Variants in MXRA8 observed in about 807,000 individuals in gnomAD.
The protein encoded by MXRA8 is matrix remodeling-associated protein 8.
A neutral mutation model predicts 51.4 loss-of-function variants in MXRA8; 44 were observed. That is an observed-to-expected ratio of 0.86 (90% CI 0.67 to 1.10). The LOEUF is 1.10. MXRA8 is among the 50% of genes least tolerant of loss of function. MXRA8 has a pLI of 0.00. For synonymous variants in MXRA8, 369 were observed against 293.5 expected (o/e 1.26, Z -2.63); for missense variants, 765 against 638.9 (o/e 1.20, Z -2.13).
rs373508903 is a variant in MXRA8 at position 1,354,916 on chromosome 1, G to A, written c.715C>T (p.Leu239=). 7 of 1,609,022 alleles carry A rather than the reference G, an allele frequency of 4.4e-6. No homozygotes were observed. Among genetic ancestry groups the A allele is most frequent in the African/African-American group, 4.0e-5 (3 of 74,858 alleles). The change falls in exon 5 of 10, where the codon CTG becomes TTG. Residue 239 remains leucine (L), a synonymous_variant. Coordinates refer to ENST00000309212, the MANE Select transcript of MXRA8 (RefSeq NM_032348.4). ...GCGCCCACAGCCACGCGGTCGCGCA[G>A]AAAAAGGGGCCCGTAGGCGCGGCGC... ...GERRAYGPLF[L]RDRVAVGADA...
chr1:1,353,814 T>C (rs1245732971), intron 9 of MXRA8, 34 bp downstream of exon 9: 1 of 1,545,810 alleles, frequency 6.5e-7, no homozygotes, highest in Non-Finnish European at 8.7e-7. Context: ...CAGGCAGGGC[T>C]CTGAGATGGG....
rs781461842 is a variant in MXRA8 at position 1,354,958 on chromosome 1, G to A, written c.673C>T (p.Leu225Phe). The A allele has an allele frequency of 1.3e-4, 210 of 1,599,728 alleles. No homozygotes were observed. Among genetic ancestry groups the A allele is most frequent in the Non-Finnish European group, 1.7e-4 (205 of 1,174,384 alleles). Residue 225 changes from leucine to phenylalanine, a missense_variant, in exon 5 of 10, where the codon CTC becomes TTC. Transcript: ENST00000309212. ...PHDRADRLLD[L>F]YASGERRAYG... is the part of the protein sequence containing the mutation. The stretch of plus-strand genomic sequence containing the variant: ...GCGCGGCGCTCGCCCGACGCGTAGA[G>A]GTCCAGCAGGCGGTCCGCGCGGTCG...
upstream of MXRA8, among the ~76,000 whole-genome samples, chr1:1,359,933 C>T (rs1644199419): frequency 6.6e-6 from 1 of 151,986 alleles, no homozygotes; most frequent in African/African-American, 2.4e-5. Context: ...GTGCTGGCAG[C>T]TGCCCGCCCG....
chr1:1,358,465 G>A lies in MXRA8; in HGVS notation c.40C>T (p.Leu14Phe). The change falls in exon 1 of 10, where the codon CTT (leucine) becomes TTT (phenylalanine). Residue 14 changes from leucine (L) to phenylalanine (F), a missense_variant. Transcript: ENST00000309212. ...PSRILLWKLVLLQSSAVLLHS... is the reference protein window; with the variant it reads ...PSRILLWKLVFLQSSAVLLHS... ...AGGGCCCCACACTCACTCTGCAGAA[G>A]CACAAGTTTCCAAAGCAGGATTCGG... 2 of 1,612,810 alleles carry A rather than the reference G, an allele frequency of 1.2e-6. No homozygotes were observed. Among genetic ancestry groups the A allele is most frequent in the Non-Finnish European group, 1.7e-6 (2 of 1,179,428 alleles).
At chr1:1,362,418 C>T (rs1463484065), upstream of MXRA8, among the ~76,000 whole-genome samples, 1 of 152,054 alleles carries the variant, frequency 6.6e-6, no homozygotes, top group African/African-American at 2.4e-5. Flanking sequence ...CTGCCTGGTA[C>T]ACACACATCG....
intron 1 of MXRA8, among the ~76,000 whole-genome samples, chr1:1,357,400 CCT>C (rs780370700): frequency 1.1e-4 from 16 of 152,298 alleles, no homozygotes; most frequent in East Asian, 1.9e-4. Context: ...GTGACCACCC[CCT>C]GTGTCCCCAC....
chr1:1,358,143 C>T (rs1157680335), intron 1 of MXRA8, among the ~76,000 whole-genome samples: 1 of 152,208 alleles, frequency 6.6e-6, no homozygotes, highest in Admixed American at 6.5e-5. Context: ...ATCACTGACC[C>T]ACTCCCTAAA....
upstream of MXRA8, among the ~76,000 whole-genome samples, chr1:1,362,339 T>C (rs1474892210): frequency 5.3e-5 from 8 of 152,180 alleles, no homozygotes; most frequent in Non-Finnish European, 7.3e-5. Flanking sequence ...CAGAAACATT[T>C]CACAAATCAT....
rs780019019 is a variant in MXRA8, at chr1:1,353,361, TTTGG to T, written c.*239_*242del. ...AGGGCATGATGGGCATCAGTGGGAT[TTTGG>T]TTGTGCCAGGGGTGGGCAGGGCCAC... On this transcript the variant is annotated 3_prime_UTR_variant, in exon 10 of 10. Transcript: ENST00000309212. 290 of 1,547,498 alleles carry T rather than the reference TTTGG, an allele frequency of 1.9e-4. No homozygotes were observed. The highest frequency in any genetic ancestry group is 2.4e-4 in the Non-Finnish European group (270 of 1,145,400).
upstream of MXRA8, chr1:1,361,197 GAC>G (rs747194002): frequency 1.8e-5 from 13 of 702,958 alleles, no homozygotes; most frequent in Middle Eastern, 4.6e-4. Context: ...CAGAAACAGA[GAC>G]ACACACAGAC....
chr1:1,353,103 G>T lies in MXRA8; in HGVS notation c.*501C>A. ...GTGGGGGAGCTCTCGGTGGCAGGCA[G>T]CACCCCAGGAGGAGTGGGACTCCTG... is the stretch of plus-strand genomic sequence containing the variant. On this transcript the variant is annotated 3_prime_UTR_variant, in exon 10 of 10. Transcript: ENST00000309212. 1 of 659,522 alleles carries T rather than the reference G, an allele frequency of 1.5e-6. No individual in the cohort carries two copies. Among genetic ancestry groups the T allele is most frequent in the South Asian group, 1.7e-5 (1 of 58,604 alleles). The allele number at this position is 659,522 out of a possible 1,614,324, so 40.9% of individuals were successfully genotyped here.
chr1:1,355,070 C>T lies in MXRA8; in HGVS notation c.561G>A (p.Val187=), dbSNP rs781555385. The change falls in exon 5 of 10, where the codon GTG becomes GTA. Residue 187 remains valine, a synonymous_variant. Coordinates refer to ENST00000309212, the MANE Select transcript of MXRA8 (RefSeq NM_032348.4). ...GGTCGGTCCACACGTGCCCGCGGTT[C>T]ACGCAGGTCAGAAGCGCGGGTGCGC... ...ARGAPALLTC[V]NRGHVWTDRH... The T allele has an allele frequency of 6.2e-6, 10 of 1,600,478 alleles. No homozygotes were observed. The highest frequency in any genetic ancestry group is 6.8e-6 in the Non-Finnish European group (8 of 1,176,040).
At chr1:1,356,538 G>C (rs557654605) in intron 2 of MXRA8, 143 bp downstream of exon 2, 5 of 470,912 alleles carry the variant, frequency 1.1e-5, no homozygotes, top group African/African-American at 8.2e-5. Context: ...TTATTGGCAA[G>C]GGGAGGTGCC....
At chr1:1,355,805 G>C (rs1569793681) in intron 2 of MXRA8, 53 bp from the exon 3 acceptor site, 1 of 715,462 alleles carries the variant, frequency 1.4e-6, no homozygotes, top group African/African-American at 2.3e-5. Flanking sequence ...TAGGGCCCTG[G>C]TTGGGGGAGT....
rs548757067 is a variant in MXRA8 at position 1,353,556 on chromosome 1, A to AGACAG, written c.*43_*47dup. 2.6e-4 allele frequency: 408 copies of AGACAG among 1,549,862 alleles called. 6 individuals carry two copies. In the South Asian group the frequency reaches 4.7e-3, roughly 18 times the overall value. ...CATCAGGAGATGCCCCGAGGAGCAC[A>AGACAG]GACAGGAGAGGTGCAGCTGCTGGCC... On this transcript the variant is annotated 3_prime_UTR_variant, in exon 10 of 10. Coordinates refer to ENST00000309212, the MANE Select transcript of MXRA8 (RefSeq NM_032348.4).
Position 1,353,206 on chromosome 1 carries a change from C to CGAGCA in MXRA8, c.*393_*397dup. The CGAGCA allele has an allele frequency of 7.9e-7, 1 of 1,262,892 alleles. No homozygotes were observed. The highest frequency in any genetic ancestry group is 1.1e-6 in the Non-Finnish European group (1 of 889,754). The allele number at this position is 1,262,892 out of a possible 1,614,324, so 78.2% of individuals were successfully genotyped here. A position where few individuals can be genotyped will look rare whatever the true frequency, so the allele number is the denominator to read the frequency against. ...TCCAGGAACATCTCCCAGCCCCCGA[C>CGAGCA]GAGCAGAGCCCTGGAGGAGTGGGAC... On this transcript the variant is annotated 3_prime_UTR_variant, in exon 10 of 10. Transcript: ENST00000309212.
upstream of MXRA8, chr1:1,358,572 C>T (rs960589676): frequency 5.1e-6 from 8 of 1,561,382 alleles, no homozygotes; most frequent in African/African-American, 5.4e-5. Context: ...ACAGCCCTAC[C>T]CCCTCCCCCT....
intron 1 of MXRA8, 50 bp from the exon 2 acceptor site, chr1:1,356,754 C>A (rs767337443): frequency 7.5e-7 from 1 of 1,331,352 alleles, no homozygotes; most frequent in East Asian, 2.8e-5. Flanking sequence ...CCCACCCAGC[C>A]CCGAGACCCC....
Position 1,353,065 on chromosome 1 carries a change from C to T in MXRA8, c.*539G>A. 1 of 610,004 alleles carries T rather than the reference C, an allele frequency of 1.6e-6. No homozygotes were observed. Among genetic ancestry groups the T allele is most frequent in the Admixed American group, 3.0e-5 (1 of 33,574 alleles). 37.8% of individuals were successfully genotyped at this position (610,004 alleles called of 1,614,324 possible). A position where few individuals can be genotyped will look rare whatever the true frequency, so the allele number is the denominator to read the frequency against. On this transcript the variant is annotated 3_prime_UTR_variant, in exon 10 of 10. Transcript: ENST00000309212. Reference sequence around the variant, plus strand: ...AGAACAGATGGTGCCTGGAGTCCCACATGGTGGTACAGGTGGGGGAGCTCT... The same window carrying T: ...AGAACAGATGGTGCCTGGAGTCCCATATGGTGGTACAGGTGGGGGAGCTCT...
Sources: gnomAD v4.1 joint callset for allele counts (sites outside exome capture counted in the v4.1 genomes callset) on GRCh38, gnomAD v4.1.1 for gene constraint, MANE v1.5 for transcripts, NCBI Gene and HGNC (gene_info 2026-07-23, HGNC 2026-07-21) for gene names.